ZMYND8: variants seen among roughly 807,000 people sequenced by gnomAD.
ZMYND8 encodes MYND-type zinc finger-containing chromatin reader ZMYND8.
ZMYND8 carries 37 observed loss-of-function variants against 140.8 expected under a neutral mutation model. That is an observed-to-expected ratio of 0.26 (90% confidence interval 0.20 to 0.35). The LOEUF is 0.35. Ranked by LOEUF, ZMYND8 falls within the 10% of genes least tolerant of loss-of-function variation. ZMYND8 has a pLI of 1.00. For missense variants in ZMYND8, 1,068 were observed against 1,570.0 expected, an observed-to-expected ratio of 0.68 and a Z score of 5.40; for synonymous variants, 592 against 597.1, an observed-to-expected ratio of 0.99 and a Z score of 0.12.
intron 11 of ZMYND8, among the ~76,000 whole-genome samples, chr20:47,270,168 T>C (rs1312957493): frequency 6.7e-6 from 1 of 149,480 alleles, no homozygotes; most frequent in Non-Finnish European, 1.5e-5. Flanking sequence ...AGCCCAAGAG[T>C]TGAAGGCTAC....
At chr20:47,252,522 C>T (rs2074274172) in intron 12 of ZMYND8, among the ~76,000 whole-genome samples, 1 of 152,038 alleles carries the variant, frequency 6.6e-6, no homozygotes, top group African/African-American at 2.4e-5. Context: ...CTCTCCATGG[C>T]TACCCAAGTG....
In ZMYND8 at chr20:47,236,473, G is replaced by A. The variant is rs753919025; in HGVS notation, c.2709C>T (p.Thr903=). ...KEITQSPSTS[T]ITLVTSTQSS... is the part of the protein sequence containing the mutation. ...ACTGTGTGCTGGTCACCAGGGTGATGGTGGACGTGGATGGGCTCTGTGTGA... is the reference window on the plus strand; with the variant it reads ...ACTGTGTGCTGGTCACCAGGGTGATAGTGGACGTGGATGGGCTCTGTGTGA... The change falls in exon 16 of 23, where the codon ACC becomes ACT. Residue 903 remains threonine, a synonymous_variant. Transcript: ENST00000471951. 6.2e-7 allele frequency: 1 copy of A among 1,608,290 alleles called. No individual in the cohort carries two copies. The highest frequency in any genetic ancestry group is 2.2e-5 in the East Asian group (1 of 44,820).
chr20:47,251,941 A>G (rs2074215173), intron 12 of ZMYND8, among the ~76,000 whole-genome samples: 2 of 151,990 alleles, frequency 1.3e-5, no homozygotes, highest in South Asian at 2.1e-4. Context: ...CCGAGTTTGC[A>G]TTTTTGACAC....
At chr20:47,215,849 T>C (rs1046713508) in intron 21 of ZMYND8, among the ~76,000 whole-genome samples, 3 of 152,218 alleles carry the variant, frequency 2.0e-5, no homozygotes, top group African/African-American at 7.2e-5. Flanking sequence ...GTGGCTACCA[T>C]AGTGGACAGT....
In ZMYND8 at chr20:47,276,407, C is replaced by A; in HGVS notation, c.1387G>T (p.Gly463Cys). 6.2e-7 allele frequency: 1 copy of A among 1,611,514 alleles called. No individual in the cohort carries two copies. Among genetic ancestry groups the A allele is most frequent in the Non-Finnish European group, 8.5e-7 (1 of 1,177,790 alleles). ...TCAGCATCCTGCTCCACGTCGGAGCCCGTGTGCACAGAAGAGTTTGTGCTC... is the reference window on the plus strand; with the variant it reads ...TCAGCATCCTGCTCCACGTCGGAGCACGTGTGCACAGAAGAGTTTGTGCTC... Reference protein sequence around the residue: ...PMSTNSSVHTGSDVEQDAEKK... With the variant: ...PMSTNSSVHTCSDVEQDAEKK... The change falls in exon 11 of 23, where the codon GGC becomes TGC. Residue 463 changes from glycine (G) to cysteine (C), a missense_variant. Coordinates refer to ENST00000471951, the MANE Select transcript of ZMYND8 (RefSeq NM_001281775.3).
chr20:47,320,699 G>A (rs999807177), intron 2 of ZMYND8: 4 of 152,216 alleles, frequency 2.6e-5, no homozygotes, highest in Admixed American at 2.0e-4. Context: ...ACTCCAGCCG[G>A]GGTGACAGAG....
intron 2 of ZMYND8, among the ~76,000 whole-genome samples, chr20:47,331,913 A>T (rs1602002644): frequency 1.3e-5 from 2 of 152,316 alleles, no homozygotes; most frequent in South Asian, 2.1e-4. Flanking sequence ...GCTTCTAAGA[A>T]GTTTGGCTTG....
At chr20:47,356,365 T>G (rs555180944) in intron 1 of ZMYND8, 49 of 1,491,654 alleles carry the variant, frequency 3.3e-5, no homozygotes, top group Middle Eastern at 3.5e-4. Flanking sequence ...AAAAAAAGCT[T>G]CTTTTTTGGC....
chr20:47,319,059 C>T, intron 2 of ZMYND8: 1 of 1,346,338 alleles, frequency 7.4e-7, no homozygotes, highest in Middle Eastern at 2.1e-4. Flanking sequence ...TCAGCGGCCT[C>T]TCCCAGGGGG....
chr20:47,331,259 G>A (rs1012783770), intron 2 of ZMYND8, among the ~76,000 whole-genome samples: 3 of 152,174 alleles, frequency 2.0e-5, no homozygotes, highest in African/African-American at 4.8e-5. Flanking sequence ...GGGAGGGTGC[G>A]GCAGATAGAG....
chr20:47,255,430 C>T (rs986088075), intron 12 of ZMYND8, among the ~76,000 whole-genome samples: 5 of 151,072 alleles, frequency 3.3e-5, no homozygotes, highest in South Asian at 2.1e-4. Flanking sequence ...GAGACAGGGC[C>T]GGGCGTGGTA....
rs538486683 is a variant in ZMYND8 at position 47,243,406 on chromosome 20, A to T, written c.2284+2602T>A. 2.6e-5 allele frequency among the ~76,000 whole-genome samples: 4 copies of T among 152,350 alleles called. No homozygotes were observed. The East Asian group carries it at 7.7e-4, about 29-fold the overall frequency. ...TGTGTTTTAGAATCATCTTCAGCTTAATTGTCCACCATCTACTAAAGCTTC... is the reference window on the plus strand; with the variant it reads ...TGTGTTTTAGAATCATCTTCAGCTTTATTGTCCACCATCTACTAAAGCTTC... On this transcript the variant is annotated intron_variant, in intron 14 of 22. Transcript: ENST00000471951.
intron 17 of ZMYND8, among the ~76,000 whole-genome samples, chr20:47,227,783 T>C (rs1256474243): frequency 6.6e-6 from 1 of 152,312 alleles, no homozygotes; most frequent in East Asian, 1.9e-4. Flanking sequence ...CGACCTGATC[T>C]GATAGGAAAC....
At chr20:47,336,767 A>C (rs1170080067) in intron 2 of ZMYND8, among the ~76,000 whole-genome samples, 2 of 152,206 alleles carry the variant, frequency 1.3e-5, no homozygotes, top group Non-Finnish European at 2.9e-5. Flanking sequence ...TTTCTAAATG[A>C]GGCAGTTTTA....
intron 4 of ZMYND8, among the ~76,000 whole-genome samples, chr20:47,297,998 C>T (rs766078913): frequency 6.6e-6 from 1 of 152,186 alleles, no homozygotes; most frequent in Non-Finnish European, 1.5e-5. Context: ...TGGCTCACTC[C>T]TCTCTTTCAT....
At chr20:47,215,292 G>A (rs1013531191) in intron 21 of ZMYND8, among the ~76,000 whole-genome samples, 2 of 152,100 alleles carry the variant, frequency 1.3e-5, no homozygotes, top group East Asian at 3.9e-4. Context: ...AGAATCACTT[G>A]AACCTGGGAA....
intron 2 of ZMYND8, among the ~76,000 whole-genome samples, chr20:47,329,568 C>T (rs973222843): frequency 1.3e-5 from 2 of 152,088 alleles, no homozygotes; most frequent in East Asian, 3.9e-4. Context: ...CCATGCCTGG[C>T]TAATTCTGTA....
At chr20:47,300,860 G>A (rs2148079471) in intron 3 of ZMYND8, among the ~76,000 whole-genome samples, 1 of 151,416 alleles carries the variant, frequency 6.6e-6, no homozygotes, top group African/African-American at 2.4e-5. Flanking sequence ...GACTACAGGT[G>A]AGCGCCACCA....
Position 47,246,116 on chromosome 20 carries a change from C to T in ZMYND8, c.2176G>A (p.Asp726Asn), listed in dbSNP as rs140137058. Residue 726 changes from aspartate to asparagine, a missense_variant, in exon 14 of 23, where the codon GAC becomes AAC. This residue lies in a region of ZMYND8 where 383 missense variants were observed against 431.2 expected (regional missense o/e 0.89). Transcript: ENST00000471951. The stretch of plus-strand genomic sequence containing the variant: ...ACAAGTTCGCTCTCTGAATCAGAGT[C>T]CAGGCCCAAATGGACTGTTGGGGAA... ...TDSPTVHLGL[D>N]SDSESELVID... 1 of 1,614,080 alleles carries T rather than the reference C, an allele frequency of 6.2e-7. No individual in the cohort carries two copies. The highest frequency in any genetic ancestry group is 1.3e-5 in the African/African-American group (1 of 74,908).
Sources: allele counts gnomAD v4.1 joint callset (sites outside exome capture counted in the v4.1 genomes callset), GRCh38; gene constraint gnomAD v4.1.1; regional missense constraint gnomAD v4.1.1; transcripts MANE v1.5; gene names NCBI Gene and HGNC (gene_info 2026-07-23, HGNC 2026-07-21).